Variants in RIC8B observed in about 807,000 individuals in gnomAD.
RIC8B encodes the protein chaperone Ric-8B.
RIC8B carries 16 observed loss-of-function variants against 57.5 expected under a neutral mutation model. That is an observed-to-expected ratio of 0.28 (90% CI 0.19 to 0.42). RIC8B has a LOEUF of 0.42. Among genes scored for constraint, RIC8B ranks in the 10% least tolerant of loss-of-function variants. The pLI is 1.00. For synonymous variants in RIC8B, 216 were observed against 250.8 expected, an observed-to-expected ratio of 0.86 and a Z score of 1.31; for missense variants, 481 against 677.0, an observed-to-expected ratio of 0.71 and a Z score of 3.21.
chr12:106,836,951 C>T (rs1234808370), intron 4 of RIC8B, among the ~76,000 whole-genome samples: 7 of 152,202 alleles, frequency 4.6e-5, no homozygotes, highest in African/African-American at 1.7e-4. Flanking sequence ...GCCCCAGAGC[C>T]TTTGCTTTTA....
intron 1 of RIC8B, among the ~76,000 whole-genome samples, chr12:106,779,940 G>C (rs896168745): frequency 7.4e-6 from 1 of 136,042 alleles, no homozygotes; most frequent in Non-Finnish European, 1.5e-5. Context: ...TGCCTAGGCT[G>C]GTCTTGAACT....
At chr12:106,811,803 T>C (rs1036241418) in intron 2 of RIC8B, among the ~76,000 whole-genome samples, 1 of 151,424 alleles carries the variant, frequency 6.6e-6, no homozygotes, top group African/African-American at 2.5e-5. Flanking sequence ...GAGCAGAGCA[T>C]GTTTTAGGAA....
At chr12:106,789,621 C>T (rs939978224) in intron 2 of RIC8B, among the ~76,000 whole-genome samples, 1 of 152,054 alleles carries the variant, frequency 6.6e-6, no homozygotes, top group African/African-American at 2.4e-5. Context: ...AATTCATTAC[C>T]ACGAGAACAG....
chr12:106,797,900 C>G, intron 2 of RIC8B: 1 of 541,768 alleles, frequency 1.8e-6, no homozygotes, highest in Non-Finnish European at 3.3e-6. Flanking sequence ...TGTGCTACAC[C>G]GTACTGCCGC....
intron 8 of RIC8B, among the ~76,000 whole-genome samples, chr12:106,865,918 C>T (rs921945219): frequency 1.3e-5 from 2 of 152,176 alleles, no homozygotes; most frequent in African/African-American, 2.4e-5. Context: ...TTCCTTCTGC[C>T]TGGAATGCCT....
At chr12:106,786,141 A>ATTTTT (rs893618675) in intron 2 of RIC8B, among the ~76,000 whole-genome samples, 2 of 73,886 alleles carry the variant, frequency 2.7e-5, no homozygotes, top group Non-Finnish European at 5.3e-5. Context: ...CCCAAGGTGT[A>ATTTTT]TTTTTTTTTT....
chr12:106,823,351 G>T, intron 3 of RIC8B: 2 of 437,832 alleles, frequency 4.6e-6, no homozygotes, highest in South Asian at 3.3e-5. Context: ...GTTGTTTTGA[G>T]TAGAGAAATA....
In RIC8B at chr12:106,842,654, C is replaced by A; in HGVS notation, c.902C>A (p.Thr301Asn). 1 of 1,613,956 alleles carries A rather than the reference C, an allele frequency of 6.2e-7. No individual in the cohort carries two copies. The highest frequency in any genetic ancestry group is 8.5e-7 in the Non-Finnish European group (1 of 1,179,898). The change falls in exon 5 of 10, where the codon ACC (threonine) becomes AAC (asparagine). Residue 301 changes from threonine to asparagine, a missense_variant. Physicochemically the swap from Thr to Asn is moderately conservative, Grantham distance 65. Coordinates refer to ENST00000392837, the MANE Select transcript of RIC8B (RefSeq NM_001330145.2). ...TTGGATGTTCTCATTTGTCCGTTAACCCATGAAGAAACAGCCCAAGAGGCA... is the reference window on the plus strand; with the variant it reads ...TTGGATGTTCTCATTTGTCCGTTAAACCATGAAGAAACAGCCCAAGAGGCA... ...SCLDVLICPL[T>N]HEETAQEATT... is the part of the protein sequence containing the mutation.
At chr12:106,834,853 G>A (rs539978948) in intron 4 of RIC8B, among the ~76,000 whole-genome samples, 10 of 151,436 alleles carry the variant, frequency 6.6e-5, no homozygotes, top group Non-Finnish European at 1.2e-4. Context: ...GTGTGGTGGC[G>A]GGTGCCTGTA....
rs1391316613 is a variant in RIC8B, at chr12:106,868,868, T to G, written c.1452-1955T>G. ...CCAAGCTTTTTTTTTTTTTTTTTTTTTTTTGAGACGGAGTCTCGCTCTGTC... is the reference window on the plus strand; with the variant it reads ...CCAAGCTTTTTTTTTTTTTTTTTTTGTTTTGAGACGGAGTCTCGCTCTGTC... On this transcript the variant is annotated intron_variant, in intron 8 of 9. Coordinates refer to ENST00000392837, the MANE Select transcript of RIC8B (RefSeq NM_001330145.2). Among the ~76,000 whole-genome samples the G allele has an allele frequency of 2.0e-5, 3 of 148,916 alleles. No individual in the cohort carries two copies. In the East Asian group the frequency reaches 5.8e-4, roughly 29 times the overall value.
intron 2 of RIC8B, among the ~76,000 whole-genome samples, chr12:106,793,788 C>G (rs2044358556): frequency 1.3e-5 from 2 of 152,086 alleles, no homozygotes. Context: ...TTTGAGGAAG[C>G]AGAGAGAGAA....
chr12:106,851,469 A>C lies in RIC8B; in HGVS notation c.1181A>C (p.Asp394Ala), dbSNP rs1186362712. Residue 394 changes from aspartate to alanine, a missense_variant, in exon 7 of 10, where the codon GAT (aspartate) becomes GCT (alanine). Asp to Ala is a moderately radical substitution (Grantham distance 126). Coordinates refer to ENST00000392837, the MANE Select transcript of RIC8B (RefSeq NM_001330145.2). ...CATCAGGTTTTACCACCGTTGAGGG[A>C]TGTGACAAATCGACCTGAAGTTGGC... ...LKDQVLPPLR[D>A]VTNRPEVGST... 6.2e-7 allele frequency: 1 copy of C among 1,613,636 alleles called. No individual in the cohort carries two copies. Among genetic ancestry groups the C allele is most frequent in the East Asian group, 2.2e-5 (1 of 44,886 alleles).
chr12:106,853,700 C>T (rs1012024200), intron 7 of RIC8B, among the ~76,000 whole-genome samples: 2 of 151,852 alleles, frequency 1.3e-5, no homozygotes, highest in Non-Finnish European at 2.9e-5. Flanking sequence ...AACTCCTGTC[C>T]TTGTGATCTG....
At chr12:106,791,706 C>G (rs892704894) in intron 2 of RIC8B, among the ~76,000 whole-genome samples, 1 of 152,190 alleles carries the variant, frequency 6.6e-6, no homozygotes, top group Admixed American at 6.6e-5. Flanking sequence ...GCCTTGGCTC[C>G]TAAGTTGGCT....
intron 9 of RIC8B, among the ~76,000 whole-genome samples, chr12:106,881,795 GGAA>G (rs1406156728): frequency 2.0e-5 from 3 of 152,132 alleles, no homozygotes; most frequent in East Asian, 1.9e-4. Context: ...GAAGGATAGA[GGAA>G]GAAGATGAGA....
chr12:106,810,906 A>G (rs1473156506), intron 2 of RIC8B, among the ~76,000 whole-genome samples: 1 of 152,232 alleles, frequency 6.6e-6, no homozygotes, highest in Non-Finnish European at 1.5e-5. Flanking sequence ...AATGAGGTCC[A>G]GAGACAAGTA....
In RIC8B at chr12:106,820,178, C is replaced by T. The variant is rs571097037; in HGVS notation, c.741+4874C>T. ...TTATTTTTATGACCACTTTCATTTA[C>T]AGTTCACCAAAAATAGAAAATTAAT... On this transcript the variant is annotated intron_variant, in intron 3 of 9. Coordinates refer to ENST00000392837, the MANE Select transcript of RIC8B (RefSeq NM_001330145.2). 2.4e-4 allele frequency among the ~76,000 whole-genome samples: 36 copies of T among 152,308 alleles called. 1 individual carries two copies. The East Asian group carries it at 6.2e-3, about 26-fold the overall frequency.
intron 4 of RIC8B, among the ~76,000 whole-genome samples, chr12:106,828,823 T>G (rs1265973642): frequency 6.6e-6 from 1 of 152,230 alleles, no homozygotes; most frequent in East Asian, 1.9e-4. Flanking sequence ...GATACGCTGT[T>G]TAGGAACTTA....
At chr12:106,864,122 T>C (rs1950043808) in intron 8 of RIC8B, among the ~76,000 whole-genome samples, 1 of 152,172 alleles carries the variant, frequency 6.6e-6, no homozygotes, top group Admixed American at 6.6e-5. Flanking sequence ...ATTTACCCTA[T>C]TTCTTTTATG....
Sources: allele counts gnomAD v4.1 joint callset (sites outside exome capture counted in the v4.1 genomes callset), GRCh38; gene constraint gnomAD v4.1.1; transcripts MANE v1.5; gene names NCBI Gene and HGNC (gene_info 2026-07-23, HGNC 2026-07-21).